Variants in RYR1 observed in about 807,000 individuals in gnomAD.
RYR1 encodes the protein ryanodine receptor 1.
Under a neutral mutation model 583.5 loss-of-function variants are expected in RYR1, and 342 were observed. The observed-to-expected ratio is 0.59, with a 90% CI of 0.54 to 0.64. The LOEUF (loss-of-function observed/expected upper bound fraction) is 0.64, where lower values mean the gene tolerates loss of function less well. RYR1 is among the 30% of genes least tolerant of loss of function. The probability of loss-of-function intolerance (pLI) is 0.00; values close to 1 mark genes in which losing one functional copy is unlikely to be tolerated. For missense variants in RYR1, 6,032 were observed against 6,917.2 expected, an observed-to-expected ratio of 0.87 and a Z score of 4.54; for synonymous variants, 2,791 against 2,822.5, an observed-to-expected ratio of 0.99 and a Z score of 0.35.
At chr19:38,530,568 C>G (rs373660495) in intron 76 of RYR1, among the ~76,000 whole-genome samples, 4 of 151,988 alleles carry the variant, frequency 2.6e-5, no homozygotes, top group Admixed American at 1.3e-4. Context: ...CCGCGCCTGT[C>G]AGGGATTTGT....
At chr19:38,475,682 AC>A (rs1183410730) in intron 29 of RYR1, among the ~76,000 whole-genome samples, 9 of 152,236 alleles carry the variant, frequency 5.9e-5, no homozygotes, top group Admixed American at 3.3e-4. Flanking sequence ...TGTACAGCAC[AC>A]TGATATAACT....
chr19:38,565,413 G>T lies in RYR1; in HGVS notation c.13079G>T (p.Gly4360Val), dbSNP rs1472703471. The T allele has an allele frequency of 6.7e-7, 1 of 1,482,234 alleles. No individual in the cohort carries two copies. The highest frequency in any genetic ancestry group is 8.9e-7 in the Non-Finnish European group (1 of 1,123,024). 91.8% of individuals were successfully genotyped at this position (1,482,234 alleles called of 1,614,324 possible). A position where few individuals can be genotyped will look rare whatever the true frequency, so the allele number is the denominator to read the frequency against. Residue 4360 changes from glycine to valine, a missense_variant, in exon 91 of 106, where the codon GGC becomes GTC. Around this residue, in one of 11 missense-constraint regions of RYR1, gnomAD observed 753 missense variants for 759.6 expected, o/e 0.99. Transcript: ENST00000359596. This position sits in a 1 kb window ranked among gnomAD's most constrained non-coding sequence, Gnocchi z 4.7. ...AAAGALGLLWGSLFGGGLVEG... is the reference protein window; with the variant it reads ...AAAGALGLLWVSLFGGGLVEG... ...GCGGGCGCGCTGGGCCTGCTCTGGG[G>T]CTCGCTGTTCGGCGGCGGCCTGGTG...
chr19:38,528,367 G>A lies in RYR1; in HGVS notation c.10886G>A (p.Arg3629Gln), dbSNP rs779798199. Reference protein sequence around the residue: ...VWHKLLSKQRRRAVVACFRMT... With the variant: ...VWHKLLSKQRQRAVVACFRMT... ...CACAAGCTTTTGTCCAAACAGCGCC[G>A]GCGGGCAGTCGTGGCCTGTTTCCGT... Residue 3629 changes from arginine to glutamine, a missense_variant, in exon 74 of 106, where the codon CGG becomes CAG. Transcript: ENST00000359596. 3 of 1,614,116 alleles carry A rather than the reference G, an allele frequency of 1.9e-6. No individual in the cohort carries two copies. The highest frequency in any genetic ancestry group is 2.2e-5 in the East Asian group (1 of 44,872).
chr19:38,458,219 C>T lies in RYR1; in HGVS notation c.2094C>T (p.Gly698=), dbSNP rs149942213. 2.5e-6 allele frequency: 4 copies of T among 1,613,944 alleles called. No homozygotes were observed. Among genetic ancestry groups the T allele is most frequent in the African/African-American group, 1.3e-5 (1 of 75,032 alleles). ...TEGYTPYPGA[G]EGWGGNGVGD... is the part of the protein sequence containing the mutation. Reference sequence around the variant, plus strand: ...GCTACACCCCCTACCCTGGGGCCGGCGAGGGCTGGGGCGGCAACGGGGTCG... The same window carrying T: ...GCTACACCCCCTACCCTGGGGCCGGTGAGGGCTGGGGCGGCAACGGGGTCG... The change falls in exon 18 of 106, where the codon GGC becomes GGT. Residue 698 remains glycine (G), a synonymous_variant. Transcript: ENST00000359596.
chr19:38,580,090 C>A lies in RYR1; in HGVS notation c.14473C>A (p.Arg4825Ser), dbSNP rs118192180. 6.2e-7 allele frequency: 1 copy of A among 1,614,040 alleles called. No individual in the cohort carries two copies. The highest frequency in any genetic ancestry group is 1.3e-5 in the African/African-American group (1 of 74,902). ...CATCGCCATGGGGGTCAAGACGCTGCGCACCATCCTGTCCTCTGTCACCCA... is the reference window on the plus strand; with the variant it reads ...CATCGCCATGGGGGTCAAGACGCTGAGCACCATCCTGTCCTCTGTCACCCA... Reference protein sequence around the residue: ...LDIAMGVKTLRTILSSVTHNG... With the variant: ...LDIAMGVKTLSTILSSVTHNG... The change falls in exon 100 of 106, where the codon CGC becomes AGC. Residue 4825 changes from arginine to serine, a missense_variant. Physicochemically the swap from Arg to Ser is moderately radical, Grantham distance 110. Around this residue, in one of 11 missense-constraint regions of RYR1, gnomAD observed 189 missense variants for 350.3 expected, o/e 0.54. Coordinates refer to ENST00000359596, the MANE Select transcript of RYR1 (RefSeq NM_000540.3).
At chr19:38,507,900 G>C (rs1190479852) in intron 58 of RYR1, 73 bp downstream of exon 58, 7 of 893,000 alleles carry the variant, frequency 7.8e-6, no homozygotes, top group Non-Finnish European at 1.3e-5. Flanking sequence ...ACTCACCTAG[G>C]ACACCTGTTC....
At position 38,505,829 on chromosome 19, in the gene RYR1, C is replaced by T. The variant is rs1209065396; in HGVS notation, c.8424C>T (p.Pro2808=). 1.2e-6 allele frequency: 2 copies of T among 1,614,016 alleles called. No individual in the cohort carries two copies. The highest frequency in any genetic ancestry group is 1.7e-6 in the Non-Finnish European group (2 of 1,180,030). ...SEKDKEIYRW[P]IKESLKAMIA... ...AGGACAAAGAGATTTACCGCTGGCC[C>T]ATCAAGGAGTCCCTGAAGGCCATGA... Residue 2808 remains proline, a synonymous_variant, in exon 54 of 106, where the codon CCC becomes CCT. Coordinates refer to ENST00000359596, the MANE Select transcript of RYR1 (RefSeq NM_000540.3).
chr19:38,534,841 G>T, intron 79 of RYR1, 22 bp downstream of exon 79: 1 of 1,599,026 alleles, frequency 6.3e-7, no homozygotes, highest in South Asian at 1.1e-5. Flanking sequence ...ATGTGCACTG[G>T]ACTCTTCCGA....
Position 38,468,914 on chromosome 19 carries a change from C to T in RYR1, c.3382-52C>T, listed in dbSNP as rs1600718485. The T allele has an allele frequency of 5.0e-6, 8 of 1,589,230 alleles. No homozygotes were observed. The Middle Eastern group carries it at 1.0e-3, about 201-fold the overall frequency. Reference sequence around the variant, plus strand: ...TCTCCCTCCCTGCTTCCTTATCTCTCCATTTCTCTGTGTGTCTCCCCACAC... The same window carrying T: ...TCTCCCTCCCTGCTTCCTTATCTCTTCATTTCTCTGTGTGTCTCCCCACAC... On this transcript the variant is annotated intron_variant, in intron 25 of 105. Transcript: ENST00000359596.
intron 105 of RYR1, 30 bp from the exon 106 acceptor site, chr19:38,587,275 TCAAGGGTTTGAAGATGTGAC>T: frequency 8.1e-7 from 1 of 1,231,716 alleles, no homozygotes. Context: ...TATATATGTC[TCAAGGGTTTGAAGATGTGAC>T]CAATGAACTC....
chr19:38,498,717 C>T (rs193053709), intron 42 of RYR1, among the ~76,000 whole-genome samples: 5 of 152,226 alleles, frequency 3.3e-5, no homozygotes, highest in African/African-American at 7.2e-5. Flanking sequence ...TGTAAACTGT[C>T]GTGGCGCTGG....
intron 72 of RYR1, 131 bp from the exon 73 acceptor site, chr19:38,527,514 CAA>C: frequency 8.0e-7 from 1 of 1,250,630 alleles, no homozygotes; most frequent in South Asian, 1.3e-5. Context: ...CGTCTCAAAA[CAA>C]AAAGATGAAG....
chr19:38,546,159 T>C (rs1278649116), intron 87 of RYR1, among the ~76,000 whole-genome samples: 2 of 152,114 alleles, frequency 1.3e-5, no homozygotes, highest in African/African-American at 2.4e-5. Context: ...TGTCTCTCTC[T>C]GCCCCAAATG....
At chr19:38,513,940 CTAACCA>C (rs1285786022) in intron 63 of RYR1, among the ~76,000 whole-genome samples, 2 of 152,094 alleles carry the variant, frequency 1.3e-5, no homozygotes, top group Non-Finnish European at 2.9e-5. Context: ...CATACCTAAC[CTAACCA>C]TATTTAAATT....
intron 65 of RYR1, among the ~76,000 whole-genome samples, 199 bp from the exon 66 acceptor site, chr19:38,517,160 G>A (rs1457329607): frequency 1.3e-5 from 2 of 152,068 alleles, no homozygotes; most frequent in Non-Finnish European, 2.9e-5. Flanking sequence ...GGTGTGAAGT[G>A]TTTGCGGGGC....
chr19:38,464,009 G>A (rs1341413959), intron 22 of RYR1, among the ~76,000 whole-genome samples, 159 bp downstream of exon 22: 1 of 151,974 alleles, frequency 6.6e-6, no homozygotes, highest in Non-Finnish European at 1.5e-5. Context: ...GGGCACGGTG[G>A]CTCACACCTG....
At chr19:38,454,179 A>G (rs1328071412) in intron 13 of RYR1, among the ~76,000 whole-genome samples, 1 of 152,084 alleles carries the variant, frequency 6.6e-6, no homozygotes, top group Non-Finnish European at 1.5e-5. Context: ...AGCTGAAACT[A>G]CAGGTGTGAG....
rs1414585879 is a variant in RYR1 at position 38,516,180 on chromosome 19, C to T, written c.9648C>T (p.Cys3216=). 9 of 1,571,274 alleles carry T rather than the reference C, an allele frequency of 5.7e-6. No homozygotes were observed. The highest frequency in any genetic ancestry group is 7.8e-6 in the Non-Finnish European group (9 of 1,158,002). Residue 3216 remains cysteine (C), a synonymous_variant, in exon 65 of 106, where the codon TGC becomes TGT. Coordinates refer to ENST00000359596, the MANE Select transcript of RYR1 (RefSeq NM_000540.3). ...CGCAGCTGAACGAGTACAACGCCTG[C>T]TCCGTGTACACCACCAAGTCTCCGC... ...LEPQLNEYNA[C]SVYTTKSPRE...
intron 84 of RYR1, among the ~76,000 whole-genome samples, chr19:38,539,238 C>CTTTT (rs766181329): frequency 2.5e-5 from 3 of 118,700 alleles, no homozygotes; most frequent in Non-Finnish European, 3.6e-5. Flanking sequence ...AAGATTTTTT[C>CTTTT]TTTTTTTTTT....
Sources: gnomAD v4.1 joint callset for allele counts (sites outside exome capture counted in the v4.1 genomes callset) on GRCh38, gnomAD v4.1.1 for gene constraint, gnomAD v4.1.1 regional missense constraint, Gnocchi (gnomAD v3.1) non-coding constraint, MANE v1.5 for transcripts, NCBI Gene and HGNC (gene_info 2026-07-23, HGNC 2026-07-21) for gene names.